UMAD1: variants seen among roughly 807,000 people sequenced by gnomAD.
UMAD1 encodes UBAP1-MVB12-associated (UMA) domain containing 1.
UMAD1 carries 8 observed loss-of-function variants against 6.1 expected under a neutral mutation model. The observed-to-expected ratio is 1.30, with a 90% CI of 0.76 to 2.35. The LOEUF is 2.35. Among genes scored for constraint, UMAD1 ranks in the 30% most tolerant of loss-of-function variants. UMAD1 has a pLI of 0.00. For synonymous variants in UMAD1, 56 were observed against 31.4 expected, an observed-to-expected ratio of 1.78 and a Z score of -2.61; for missense variants, 130 against 78.4, an observed-to-expected ratio of 1.66 and a Z score of -2.49.
At chr7:7,711,014 C>A (rs1161712837) in intron 2 of UMAD1, among the ~76,000 whole-genome samples, 1 of 152,120 alleles carries the variant, frequency 6.6e-6, no homozygotes, top group African/African-American at 2.4e-5. Flanking sequence ...ATAGAGAAAT[C>A]ATTGGTCGCC....
intron 2 of UMAD1, among the ~76,000 whole-genome samples, chr7:7,700,175 A>C (rs896762323): frequency 7.9e-5 from 12 of 152,162 alleles, no homozygotes; most frequent in African/African-American, 2.9e-4. Flanking sequence ...AGGCATTGGC[A>C]AATAGGCAGT....
At chr7:7,756,505 C>G (rs535613207) in intron 2 of UMAD1, among the ~76,000 whole-genome samples, 1 of 152,130 alleles carries the variant, frequency 6.6e-6, no homozygotes, top group Non-Finnish European at 1.5e-5. Flanking sequence ...GGATCTTATT[C>G]TTTGTGTGAA....
At chr7:7,780,981 T>C (rs368316015) in intron 2 of UMAD1, among the ~76,000 whole-genome samples, 2 of 152,206 alleles carry the variant, frequency 1.3e-5, no homozygotes, top group East Asian at 3.8e-4. Flanking sequence ...CATCTTTCTG[T>C]AAATACTTGA....
intron 3 of UMAD1, among the ~76,000 whole-genome samples, chr7:7,840,864 A>C (rs915840590): frequency 6.6e-6 from 1 of 152,174 alleles, no homozygotes; most frequent in African/African-American, 2.4e-5. Flanking sequence ...GACGTTCTAC[A>C]GTTGTTGTGA....
At chr7:7,803,496 G>T (rs1782843089) in intron 3 of UMAD1, among the ~76,000 whole-genome samples, 1 of 152,148 alleles carries the variant, frequency 6.6e-6, no homozygotes, top group Admixed American at 6.5e-5. Flanking sequence ...ATATGTTTGG[G>T]ATTTGGGAGA....
intron 3 of UMAD1, among the ~76,000 whole-genome samples, chr7:7,856,230 T>G (rs995410279): frequency 6.6e-6 from 1 of 152,208 alleles, no homozygotes; most frequent in African/African-American, 2.4e-5. Context: ...TTGTATTAGT[T>G]TGTTCTCACA....
chr7:7,787,381 G>T (rs1206463092), intron 2 of UMAD1, among the ~76,000 whole-genome samples: 1 of 152,040 alleles, frequency 6.6e-6, no homozygotes, highest in African/African-American at 2.4e-5. Flanking sequence ...GTTTTTAGAG[G>T]AATTAAAAAA....
chr7:7,837,945 G>T (rs924345293), intron 3 of UMAD1, among the ~76,000 whole-genome samples: 1 of 152,044 alleles, frequency 6.6e-6, no homozygotes, highest in South Asian at 2.1e-4. Context: ...GAGATAGAGG[G>T]TCACAAGATA....
intron 2 of UMAD1, among the ~76,000 whole-genome samples, chr7:7,740,371 T>C (rs1480673527): frequency 1.3e-5 from 2 of 152,226 alleles, no homozygotes; most frequent in Non-Finnish European, 2.9e-5. Context: ...CCAAATGGAA[T>C]TGCAAGATTA....
At chr7:7,734,394 G>C (rs1424192476) in intron 2 of UMAD1, among the ~76,000 whole-genome samples, 1 of 151,930 alleles carries the variant, frequency 6.6e-6, no homozygotes, top group Non-Finnish European at 1.5e-5. Flanking sequence ...TTTAATTAAG[G>C]TCTTTAGGTT....
At chr7:7,856,499 C>T (rs1784021367) in intron 3 of UMAD1, among the ~76,000 whole-genome samples, 1 of 152,304 alleles carries the variant, frequency 6.6e-6, no homozygotes, top group South Asian at 2.1e-4. Flanking sequence ...AATTACCTCC[C>T]ACCAGGTCCC....
intron 1 of UMAD1, among the ~76,000 whole-genome samples, chr7:7,668,029 A>G (rs947118711): frequency 2.0e-5 from 3 of 150,728 alleles, no homozygotes; most frequent in African/African-American, 7.3e-5. Context: ...CAGTCCTCCA[A>G]CCTCAGCCTC....
intron 2 of UMAD1, among the ~76,000 whole-genome samples, chr7:7,776,435 A>G (rs1377828367): frequency 1.3e-5 from 2 of 152,248 alleles, no homozygotes; most frequent in Non-Finnish European, 2.9e-5. Flanking sequence ...GGTTATACAG[A>G]TAGAGAGCAG....
chr7:7,693,650 C>G (rs1366612530), intron 2 of UMAD1, among the ~76,000 whole-genome samples: 4 of 151,992 alleles, frequency 2.6e-5, no homozygotes, highest in Non-Finnish European at 5.9e-5. Context: ...AATTCTATAA[C>G]TTTTAGTGGA....
chr7:7,810,287 G>C (rs971134163), intron 3 of UMAD1, among the ~76,000 whole-genome samples: 1 of 152,048 alleles, frequency 6.6e-6, no homozygotes, highest in African/African-American at 2.4e-5. Context: ...TTCTTGGAGA[G>C]CATTTTGGCA....
chr7:7,725,752 G>A (rs1418654863), intron 2 of UMAD1, among the ~76,000 whole-genome samples: 1 of 152,196 alleles, frequency 6.6e-6, no homozygotes, highest in Non-Finnish European at 1.5e-5. Context: ...TGGCTCAAAT[G>A]CCCATGGTCT....
At chr7:7,788,989 C>G (rs1036359974) in intron 2 of UMAD1, among the ~76,000 whole-genome samples, 3 of 152,160 alleles carry the variant, frequency 2.0e-5, no homozygotes, top group African/African-American at 7.2e-5. Context: ...TTAAAAATTT[C>G]TATTTTTGTA....
At chr7:7,767,633 A>G (rs1782015699) in intron 2 of UMAD1, among the ~76,000 whole-genome samples, 1 of 152,194 alleles carries the variant, frequency 6.6e-6, no homozygotes, top group South Asian at 2.1e-4. Context: ...TAGCAACAAT[A>G]ACCGTTACCA....
chr7:7,859,548 C>T (rs1004472978), intron 3 of UMAD1, among the ~76,000 whole-genome samples: 1 of 152,106 alleles, frequency 6.6e-6, no homozygotes, highest in African/African-American at 2.4e-5. Flanking sequence ...TACTTGGAAG[C>T]ATGGCATTTG....
Sources: allele counts gnomAD v4.1 joint callset (sites outside exome capture counted in the v4.1 genomes callset), GRCh38; gene constraint gnomAD v4.1.1; transcripts MANE v1.5; gene names NCBI Gene and HGNC (gene_info 2026-07-23, HGNC 2026-07-21).